SKAP1: variants seen among roughly 807,000 people sequenced by gnomAD.
SKAP1 encodes src kinase associated phosphoprotein 1, also known as src kinase-associated phosphoprotein 1.
Under a neutral mutation model 58.5 loss-of-function variants are expected in SKAP1, and 44 were observed. That is an observed-to-expected ratio of 0.75 (90% confidence interval 0.59 to 0.97). SKAP1 has a LOEUF of 0.97. SKAP1 is among the 50% of genes least tolerant of loss of function. SKAP1 has a pLI of 0.00. For synonymous variants in SKAP1, 127 were observed against 149.7 expected (o/e 0.85, Z 1.11); for missense variants, 390 against 435.2 (o/e 0.90, Z 0.92).
intron 4 of SKAP1, among the ~76,000 whole-genome samples, chr17:48,198,676 A>T (rs1255099645): frequency 6.6e-6 from 1 of 152,054 alleles, no homozygotes; most frequent in Non-Finnish European, 1.5e-5. Context: ...GAAAAAAAAA[A>T]TTGTGTTCCT....
At chr17:48,289,773 G>A (rs1303248248) in intron 4 of SKAP1, among the ~76,000 whole-genome samples, 1 of 151,164 alleles carries the variant, frequency 6.6e-6, no homozygotes, top group Non-Finnish European at 1.5e-5. Flanking sequence ...GCACCAATAA[G>A]TATATATATA....
chr17:48,140,971 G>A (rs542366972), intron 11 of SKAP1, among the ~76,000 whole-genome samples: 1 of 151,960 alleles, frequency 6.6e-6, no homozygotes, highest in African/African-American at 2.4e-5. Flanking sequence ...ATTTTTAGTA[G>A]AGACGAGGTT....
At chr17:48,274,006 C>T (rs2065666348) in intron 4 of SKAP1, among the ~76,000 whole-genome samples, 2 of 152,130 alleles carry the variant, frequency 1.3e-5, no homozygotes, top group African/African-American at 4.8e-5. Context: ...TCAGTGCAGC[C>T]TCAAATTCCT....
intron 3 of SKAP1, among the ~76,000 whole-genome samples, chr17:48,357,486 C>A (rs2066889965): frequency 6.6e-6 from 1 of 151,902 alleles, no homozygotes; most frequent in Admixed American, 6.6e-5. Context: ...AAAAATTAGC[C>A]GGGCGTGGTG....
At chr17:48,167,919 G>T (rs1253975178) in intron 10 of SKAP1, among the ~76,000 whole-genome samples, 3 of 152,136 alleles carry the variant, frequency 2.0e-5, no homozygotes, top group Non-Finnish European at 4.4e-5. Flanking sequence ...GACCCTTAAT[G>T]TTAGACTACT....
chr17:48,140,811 CT>C (rs1394472909), intron 11 of SKAP1, among the ~76,000 whole-genome samples: 1 of 145,438 alleles, frequency 6.9e-6, no homozygotes, highest in African/African-American at 2.5e-5. Flanking sequence ...GAGTCTTGCT[CT>C]CTGTTACCCA....
intron 4 of SKAP1, among the ~76,000 whole-genome samples, chr17:48,286,793 C>A (rs1402849558): frequency 6.6e-6 from 1 of 152,174 alleles, no homozygotes; most frequent in Non-Finnish European, 1.5e-5. Context: ...TCATATTGCT[C>A]ATCTTAATCA....
At chr17:48,273,700 T>C (rs2065663725) in intron 4 of SKAP1, among the ~76,000 whole-genome samples, 1 of 152,194 alleles carries the variant, frequency 6.6e-6, no homozygotes, top group African/African-American at 2.4e-5. Context: ...ATTACAGGGC[T>C]AAGCCACCGT....
At chr17:48,334,932 AT>A (rs1474685440) in intron 4 of SKAP1, among the ~76,000 whole-genome samples, 10 of 151,938 alleles carry the variant, frequency 6.6e-5, no homozygotes, top group East Asian at 3.8e-4. Flanking sequence ...ATTTAAAAAA[AT>A]AATCATAATC....
chr17:48,408,689 G>A (rs532680271), intron 1 of SKAP1, among the ~76,000 whole-genome samples: 2 of 152,152 alleles, frequency 1.3e-5, no homozygotes, highest in Non-Finnish European at 2.9e-5. Flanking sequence ...CCTGATAAAT[G>A]GCAAAAATGT....
In SKAP1 at chr17:48,423,808, G is replaced by A. The variant is rs1006648104; in HGVS notation, c.46+6267C>T. Reference sequence around the variant, plus strand: ...ATCTCACTACATTACCCAGGCTGGGGTGCAGTGGTGCAATCTCACCTCACT... The same window carrying A: ...ATCTCACTACATTACCCAGGCTGGGATGCAGTGGTGCAATCTCACCTCACT... On this transcript the variant is annotated intron_variant, in intron 1 of 12. Coordinates refer to ENST00000336915, the MANE Select transcript of SKAP1 (RefSeq NM_003726.4). 2.0e-5 allele frequency among the ~76,000 whole-genome samples: 3 copies of A among 152,124 alleles called. No individual in the cohort carries two copies. In the East Asian group the frequency reaches 5.8e-4, roughly 29 times the overall value.
At chr17:48,343,047 A>G (rs2066677390) in intron 4 of SKAP1, among the ~76,000 whole-genome samples, 1 of 152,172 alleles carries the variant, frequency 6.6e-6, no homozygotes, top group African/African-American at 2.4e-5. Context: ...TGACTTAGCT[A>G]TCTATAAAGA....
chr17:48,245,949 T>C lies in SKAP1; in HGVS notation c.281-56449A>G, dbSNP rs545769740. On this transcript the variant is annotated intron_variant, in intron 4 of 12. Transcript: ENST00000336915. ...AAGATTGTGCCACTGTACTCCAGCC[T>C]GGGTGACAGAGCTAGACTCCGTCTC... Among the ~76,000 whole-genome samples the C allele has an allele frequency of 3.9e-5, 6 of 152,262 alleles. No individual in the cohort carries two copies. The South Asian group carries it at 1.2e-3, about 32-fold the overall frequency.
chr17:48,242,868 T>C (rs951423153), intron 4 of SKAP1, among the ~76,000 whole-genome samples: 10 of 152,332 alleles, frequency 6.6e-5, no homozygotes, highest in Admixed American at 1.3e-4. Flanking sequence ...TAGAATTGGA[T>C]TGGCTAGTCT....
chr17:48,417,744 CAAAAAA>C (rs57181313), intron 1 of SKAP1, among the ~76,000 whole-genome samples: 2 of 114,502 alleles, frequency 1.7e-5, no homozygotes, highest in African/African-American at 3.0e-5. Flanking sequence ...GACTTCGTCT[CAAAAAA>C]AAAAAAAAAA....
chr17:48,219,672 T>C (rs1234198019), intron 4 of SKAP1, among the ~76,000 whole-genome samples: 1 of 152,218 alleles, frequency 6.6e-6, no homozygotes, highest in Non-Finnish European at 1.5e-5. Flanking sequence ...TTATTATTGA[T>C]GAAATTAGCA....
chr17:48,264,543 C>A (rs1480901343), intron 4 of SKAP1, among the ~76,000 whole-genome samples: 2 of 152,072 alleles, frequency 1.3e-5, no homozygotes, highest in Non-Finnish European at 2.9e-5. Flanking sequence ...TTCAGACAAC[C>A]TATTAATCCA....
chr17:48,202,667 C>T (rs1275492807), intron 4 of SKAP1, among the ~76,000 whole-genome samples: 4 of 152,032 alleles, frequency 2.6e-5, no homozygotes, highest in Admixed American at 2.6e-4. Flanking sequence ...TGTTTCTAAA[C>T]CCAAAATTTT....
chr17:48,299,274 T>C (rs1685482003), intron 4 of SKAP1, among the ~76,000 whole-genome samples: 1 of 152,238 alleles, frequency 6.6e-6, no homozygotes, highest in African/African-American at 2.4e-5. Flanking sequence ...TTTTCTAAAG[T>C]TCCTGTCTAT....
Sources: gnomAD v4.1 joint callset for allele counts (sites outside exome capture counted in the v4.1 genomes callset) on GRCh38, gnomAD v4.1.1 for gene constraint, MANE v1.5 for transcripts, NCBI Gene and HGNC (gene_info 2026-07-23, HGNC 2026-07-21) for gene names.